TUT4: variants seen among roughly 807,000 people sequenced by gnomAD.
The protein encoded by TUT4 is terminal uridylyltransferase 4.
A neutral mutation model predicts 192.2 loss-of-function variants in TUT4; 36 were observed. The observed-to-expected ratio is 0.19, with a 90% CI of 0.14 to 0.25. The LOEUF is 0.25. Among genes scored for constraint, TUT4 ranks in the 10% least tolerant of loss-of-function variants. The pLI is 1.00. For missense variants in TUT4, 1,493 were observed against 1,957.2 expected (o/e 0.76, Z 4.47); for synonymous variants, 618 against 666.0 (o/e 0.93, Z 1.11).
At position 52,537,980 on chromosome 1, in the gene TUT4, A is replaced by C. The variant is rs538085893; in HGVS notation, c.-93-11607T>G. Among the ~76,000 whole-genome samples, 31 of 152,316 alleles carry C rather than the reference A, an allele frequency of 2.0e-4. 1 individual carries two copies. The East Asian group carries it at 6.0e-3, about 29-fold the overall frequency. Reference sequence around the variant, plus strand: ...GCTGGGCATGGCGGCTCATGCCTATAATCTCAGCACTTTGGGAGACCAAAG... The same window carrying C: ...GCTGGGCATGGCGGCTCATGCCTATCATCTCAGCACTTTGGGAGACCAAAG... On this transcript the variant is annotated intron_variant, in intron 1 of 29. Coordinates refer to ENST00000257177, the MANE Select transcript of TUT4 (RefSeq NM_001009881.3).
chr1:52,433,274 T>C (rs1407066542), intron 27 of TUT4: 2 of 152,224 alleles, frequency 1.3e-5, no homozygotes, highest in Non-Finnish European at 2.9e-5. Context: ...TTTTACCATG[T>C]TGGTCAGGCT....
chr1:52,467,686 A>C (rs1243377836), intron 15 of TUT4, among the ~76,000 whole-genome samples: 2 of 152,204 alleles, frequency 1.3e-5, no homozygotes, highest in Non-Finnish European at 2.9e-5. Context: ...TAAGGCACTA[A>C]TGACTTAATC....
intron 20 of TUT4, among the ~76,000 whole-genome samples, chr1:52,450,707 C>T (rs1659132126): frequency 6.6e-6 from 1 of 151,942 alleles, no homozygotes; most frequent in South Asian, 2.1e-4. Flanking sequence ...CAGACTTATG[C>T]AGATTGTTAA....
rs140966703 is a variant in TUT4 at position 52,525,917 on chromosome 1, T to C, written c.364A>G (p.Thr122Ala). The C allele has an allele frequency of 1.4e-5, 22 of 1,614,004 alleles. No homozygotes were observed. Among genetic ancestry groups the C allele is most frequent in the African/African-American group, 2.7e-5 (2 of 74,936 alleles). ...TISQAKSEKA[T>A]SLQAKAEKSP... is the part of the protein sequence containing the mutation. Reference sequence around the variant, plus strand: ...TTTTCTGCTTTTGCCTGTAAACTGGTTGCCTTTTCTGATTTTGCCTGTGAA... The same window carrying C: ...TTTTCTGCTTTTGCCTGTAAACTGGCTGCCTTTTCTGATTTTGCCTGTGAA... Residue 122 changes from threonine to alanine, a missense_variant, in exon 2 of 30, where the codon ACC becomes GCC. By Grantham distance (58) the Thr-to-Ala change is moderately conservative. Transcript: ENST00000257177.
At chr1:52,550,601 A>C (rs912153974) in intron 1 of TUT4, among the ~76,000 whole-genome samples, 1 of 149,534 alleles carries the variant, frequency 6.7e-6, no homozygotes, top group Non-Finnish European at 1.5e-5. Context: ...CTCTGGGCTC[A>C]GGCAAACCTC....
At chr1:52,523,461 C>T (rs1477217197) in intron 2 of TUT4, among the ~76,000 whole-genome samples, 2 of 152,050 alleles carry the variant, frequency 1.3e-5, no homozygotes, top group Admixed American at 1.3e-4. Flanking sequence ...TAGAATTAGC[C>T]AGGCATGGTG....
At position 52,525,729 on chromosome 1, in the gene TUT4, A is replaced by T. The variant is rs1681587685; in HGVS notation, c.552T>A (p.Ile184=). The T allele has an allele frequency of 1.9e-6, 3 of 1,614,128 alleles. No individual in the cohort carries two copies. In the East Asian group the frequency reaches 6.7e-5, roughly 36 times the overall value. The change falls in exon 2 of 30, where the codon ATT becomes ATA. Residue 184 remains isoleucine (I), a synonymous_variant. Coordinates refer to ENST00000257177, the MANE Select transcript of TUT4 (RefSeq NM_001009881.3). ...KTELQQIGKK[I]PSSFTSVDKV... is the part of the protein sequence containing the mutation. Reference sequence around the variant, plus strand: ...TGTCCACAGAAGTAAAGGAGCTTGGAATTTTTTTTCCAATCTGTTGTAATT... The same window carrying T: ...TGTCCACAGAAGTAAAGGAGCTTGGTATTTTTTTTCCAATCTGTTGTAATT...
intron 4 of TUT4, among the ~76,000 whole-genome samples, chr1:52,501,063 T>C (rs1673951645): frequency 6.6e-6 from 1 of 152,212 alleles, no homozygotes; most frequent in Non-Finnish European, 1.5e-5. Flanking sequence ...ATTTCTTGAA[T>C]ATGACACAAA....
chr1:52,491,863 A>G (rs1237321992), intron 7 of TUT4, among the ~76,000 whole-genome samples: 2 of 152,222 alleles, frequency 1.3e-5, no homozygotes, highest in Non-Finnish European at 2.9e-5. Flanking sequence ...ACAATGAGTA[A>G]AACACAAAAA....
chr1:52,471,619 A>C lies in TUT4; in HGVS notation c.2878+333T>G, dbSNP rs1452339394. Among the ~76,000 whole-genome samples the C allele has an allele frequency of 2.0e-5, 3 of 152,184 alleles. No homozygotes were observed. The East Asian group carries it at 5.8e-4, about 29-fold the overall frequency. On this transcript the variant is annotated intron_variant, in intron 14 of 29. Transcript: ENST00000257177. ...CACATGTAGCTACTGAGTACTTGAG[A>C]TATGTCTAGTATAAAACTGAAGAAC...
chr1:52,446,849 G>C (rs1333196749), intron 20 of TUT4, among the ~76,000 whole-genome samples, 182 bp from the exon 21 acceptor site: 1 of 152,122 alleles, frequency 6.6e-6, no homozygotes, highest in Non-Finnish European at 1.5e-5. Flanking sequence ...GTATCTGAAA[G>C]ACCAAAGCTG....
chr1:52,505,722 G>A (rs1208082347), intron 4 of TUT4, among the ~76,000 whole-genome samples: 1 of 151,192 alleles, frequency 6.6e-6, no homozygotes, highest in African/African-American at 2.4e-5. Context: ...GCACCTGGCT[G>A]TGCTTAGACT....
intron 20 of TUT4, among the ~76,000 whole-genome samples, chr1:52,454,327 A>G (rs1035330168): frequency 6.6e-6 from 1 of 152,236 alleles, no homozygotes; most frequent in African/African-American, 2.4e-5. Context: ...CTCAAGAGTT[A>G]TTATAACACT....
At chr1:52,517,696 T>G (rs542230244) in intron 2 of TUT4, among the ~76,000 whole-genome samples, 2 of 152,322 alleles carry the variant, frequency 1.3e-5, no homozygotes, top group South Asian at 4.1e-4. Context: ...GGAATATTGA[T>G]GCACTATAAG....
At chr1:52,466,682 A>ATATATT (rs372853314) in intron 15 of TUT4, among the ~76,000 whole-genome samples, 4 of 123,838 alleles carry the variant, frequency 3.2e-5, no homozygotes, top group African/African-American at 1.3e-4. Context: ...ATATATATAT[A>ATATATT]TTTTTGAGAC....
rs1309011489 is a variant in TUT4, at chr1:52,477,722, C to A, written c.2009G>T (p.Arg670Leu). 1 of 1,608,590 alleles carries A rather than the reference C, an allele frequency of 6.2e-7. No individual in the cohort carries two copies. Among genetic ancestry groups the A allele is most frequent in the Non-Finnish European group, 8.5e-7 (1 of 1,178,336 alleles). The change falls in exon 12 of 30, where the codon CGA becomes CTA. Residue 670 changes from arginine to leucine, a missense_variant. Physicochemically the swap from Arg to Leu is moderately radical, Grantham distance 102. Coordinates refer to ENST00000257177, the MANE Select transcript of TUT4 (RefSeq NM_001009881.3). ...TATCATCTCACCTTCAATGGCTATT[C>A]GCCTTTTAGGCCAGTTTTTATTTTC... ...TRENKNWPKR[R>L]IAIEDPFSVK...
chr1:52,526,172 T>G lies in TUT4; in HGVS notation c.109A>C (p.Arg37=), dbSNP rs771107364. The change falls in exon 2 of 30, where the codon AGA becomes CGA. Residue 37 remains arginine (R), a synonymous_variant. Transcript: ENST00000257177. ...ATTTCTTTTACGGATTTATCATTTC[T>G]AGCTTTCAATGTTTGATTACCTATA... ...QVIGNQTLKA[R]NDKSVKEIEN... The G allele has an allele frequency of 6.2e-7, 1 of 1,612,188 alleles. No homozygotes were observed. The highest frequency in any genetic ancestry group is 1.1e-5 in the South Asian group (1 of 90,708).
In TUT4 at chr1:52,458,299, C is replaced by T. The variant is rs72903632; in HGVS notation, c.3435+37G>A. ...CTCCTGTGTTTAGATCTATTGTTTTCAAAAAAAACTCCTTTATAGTTTTCT... is the reference window on the plus strand; with the variant it reads ...CTCCTGTGTTTAGATCTATTGTTTTTAAAAAAAACTCCTTTATAGTTTTCT... On this transcript the variant is annotated intron_variant, in intron 20 of 29. Coordinates refer to ENST00000257177, the MANE Select transcript of TUT4 (RefSeq NM_001009881.3). 6 of 1,513,280 alleles carry T rather than the reference C, an allele frequency of 4.0e-6. No homozygotes were observed. In the African/African-American group the frequency reaches 7.0e-5, roughly 18 times the overall value. The allele number at this position is 1,513,280 out of a possible 1,614,324, so 93.7% of individuals were successfully genotyped here. A position where few individuals can be genotyped will look rare whatever the true frequency, so the allele number is the denominator to read the frequency against.
chr1:52,465,262 T>G (rs1313515803), intron 15 of TUT4, 89 bp from the exon 16 acceptor site: 1 of 768,560 alleles, frequency 1.3e-6, no homozygotes, highest in East Asian at 2.9e-5. Context: ...TACAACATGC[T>G]CTTGTCCATT....
Sources: gnomAD v4.1 joint callset for allele counts (sites outside exome capture counted in the v4.1 genomes callset) on GRCh38, gnomAD v4.1.1 for gene constraint, MANE v1.5 for transcripts, NCBI Gene and HGNC (gene_info 2026-07-23, HGNC 2026-07-21) for gene names.